PARP1: variants seen among roughly 807,000 people sequenced by gnomAD.
PARP1 encodes poly [ADP-ribose] polymerase 1.
In PARP1, 44 loss-of-function variants were observed where a neutral mutation model predicts 118.7. That is an observed-to-expected ratio of 0.37 (90% CI 0.29 to 0.48). PARP1 has a LOEUF of 0.48. Ranked by LOEUF, PARP1 falls within the 20% of genes least tolerant of loss-of-function variation. The pLI, the probability that PARP1 is intolerant of heterozygous loss-of-function variation, is 0.99. For synonymous variants in PARP1, 492 were observed against 483.2 expected, an observed-to-expected ratio of 1.02 and a Z score of -0.24; for missense variants, 1,100 against 1,272.4, an observed-to-expected ratio of 0.86 and a Z score of 2.06.
chr1:226,402,698 C>T (rs1385722166), intron 1 of PARP1, among the ~76,000 whole-genome samples: 1 of 152,254 alleles, frequency 6.6e-6, no homozygotes, highest in African/African-American at 2.4e-5. Flanking sequence ...TTTGACCACA[C>T]ACTGCTACAT....
intron 21 of PARP1, 101 bp from the exon 22 acceptor site, chr1:226,362,184 C>CTT (rs368063214): frequency 3.5e-4 from 210 of 603,012 alleles, no homozygotes; most frequent in Non-Finnish European, 4.1e-4. Flanking sequence ...TGTGGTCTTT[C>CTT]TTTTTTTTTT....
chr1:226,386,425 G>A lies in PARP1; in HGVS notation c.735C>T (p.Ile245=). The change falls in exon 6 of 23, where the codon ATC becomes ATT. Residue 245 remains isoleucine, a synonymous_variant. Transcript: ENST00000366794. ...TCTTTAGCTCGTCCTTGATGTTCCA[G>A]ATCAGGTCGTTCTGAGCCTATGGAC... ...EKALKAQNDL[I]WNIKDELKKV... 6.2e-7 allele frequency: 1 copy of A among 1,612,832 alleles called. No individual in the cohort carries two copies. The highest frequency in any genetic ancestry group is 8.5e-7 in the Non-Finnish European group (1 of 1,178,802).
chr1:226,407,570 A>G (rs778453116), intron 1 of PARP1, among the ~76,000 whole-genome samples: 2 of 152,100 alleles, frequency 1.3e-5, no homozygotes, highest in Non-Finnish European at 2.9e-5. Flanking sequence ...TCACAAAGCG[A>G]AAGGCAACAC....
chr1:226,376,815 G>A (rs1664496497), intron 13 of PARP1, among the ~76,000 whole-genome samples: 1 of 152,160 alleles, frequency 6.6e-6, no homozygotes, highest in African/African-American at 2.4e-5. Context: ...GGTTTGTTAG[G>A]ATTTTGTATC....
intron 1 of PARP1, among the ~76,000 whole-genome samples, chr1:226,407,377 A>AC (rs1283800169): frequency 3.6e-5 from 5 of 140,366 alleles, no homozygotes; most frequent in African/African-American, 1.3e-4. Flanking sequence ...GGTTTAACAA[A>AC]AAAAAAAAAA....
chr1:226,395,780 C>T (rs1160204737), intron 2 of PARP1, among the ~76,000 whole-genome samples: 2 of 152,160 alleles, frequency 1.3e-5, no homozygotes, highest in African/African-American at 4.8e-5. Context: ...CATGCTGCAA[C>T]ACGGACGAAC....
Position 226,367,617 on chromosome 1 carries a change from G to C in PARP1, c.2278-9C>G. 6.2e-7 allele frequency: 1 copy of C among 1,613,956 alleles called. No individual in the cohort carries two copies. Among genetic ancestry groups the C allele is most frequent in the Middle Eastern group, 1.6e-4 (1 of 6,062 alleles). Reference sequence around the variant, plus strand: ...AGCATTTCCACCTTGGCCTGGAGGAGCAAAAGAAAGCCCCCGACTTAGGTA... The same window carrying C: ...AGCATTTCCACCTTGGCCTGGAGGACCAAAAGAAAGCCCCCGACTTAGGTA... On this transcript the variant is annotated splice_polypyrimidine_tract_variant and intron_variant, in intron 16 of 22. Transcript: ENST00000366794.
At chr1:226,392,096 C>G in intron 3 of PARP1, 103 bp downstream of exon 3, 1 of 809,994 alleles carries the variant, frequency 1.2e-6, no homozygotes, top group South Asian at 1.3e-5. Context: ...TTACGTTGAG[C>G]TAGCACCCTA....
intron 1 of PARP1, among the ~76,000 whole-genome samples, chr1:226,406,983 A>G (rs1665161742): frequency 6.6e-6 from 1 of 152,200 alleles, no homozygotes; most frequent in Admixed American, 6.5e-5. Context: ...AACAGGGCAG[A>G]TGAGAACCAG....
rs1218420928 is a variant in PARP1, at chr1:226,368,214, A to T, written c.2262T>A (p.Asn754Lys). ...CTTGCGCTACCTGCACACTGTCTGC[A>T]TTGTTCAGGAGCGGAGGCTTCTTCA... is the stretch of plus-strand genomic sequence containing the variant. Reference protein sequence around the residue: ...FGMKKPPLLNNADSVQAKVEM... With the variant: ...FGMKKPPLLNKADSVQAKVEM... The change falls in exon 16 of 23, where the codon AAT becomes AAA. Residue 754 changes from asparagine (N) to lysine (K), a missense_variant. Asn to Lys is a moderately conservative substitution (Grantham distance 94). Coordinates refer to ENST00000366794, the MANE Select transcript of PARP1 (RefSeq NM_001618.4). 6.2e-7 allele frequency: 1 copy of T among 1,614,190 alleles called. No individual in the cohort carries two copies. The highest frequency in any genetic ancestry group is 8.5e-7 in the Non-Finnish European group (1 of 1,180,016).
chr1:226,406,011 G>T (rs1665139237), intron 1 of PARP1, among the ~76,000 whole-genome samples: 1 of 152,070 alleles, frequency 6.6e-6, no homozygotes, highest in African/African-American at 2.4e-5. Context: ...CAAAACATTT[G>T]AAAGGTAATT....
At position 226,388,897 on chromosome 1, in the gene PARP1, C is replaced by A. The variant is rs1664770927; in HGVS notation, c.618-142G>T. ...ACACTTGTCACTCCCTAACCCCTGC[C>A]CCACTCAGTGCCCTTAGGCGATCAC... On this transcript the variant is annotated intron_variant, in intron 4 of 22. Coordinates refer to ENST00000366794, the MANE Select transcript of PARP1 (RefSeq NM_001618.4). 5.8e-5 allele frequency: 43 copies of A among 739,488 alleles called. 2 individuals are homozygous for A. Among genetic ancestry groups the A allele is most frequent in the South Asian group, 5.3e-4 (37 of 69,496 alleles). The allele number at this position is 739,488 out of a possible 1,614,324, so 45.8% of individuals were successfully genotyped here. A position where few individuals can be genotyped will look rare whatever the true frequency, so the allele number is the denominator to read the frequency against.
At chr1:226,399,097 T>C (rs948455571) in intron 2 of PARP1, among the ~76,000 whole-genome samples, 7 of 133,886 alleles carry the variant, frequency 5.2e-5, no homozygotes, top group Non-Finnish European at 9.4e-5. Context: ...TTTTTTGAGA[T>C]GGAGTTTCGC....
chr1:226,380,948 G>C (rs527683287), intron 9 of PARP1, 120 bp downstream of exon 9: 1 of 1,107,182 alleles, frequency 9.0e-7, no homozygotes, highest in Non-Finnish European at 1.4e-6. Context: ...GAACCACAGC[G>C]ATGATGATGT....
chr1:226,392,882 TATAAAA>T (rs746564633), intron 2 of PARP1: 10 of 1,546,400 alleles, frequency 6.5e-6, no homozygotes, highest in Non-Finnish European at 6.1e-6. Context: ...CTTCTCTTAT[TATAAAA>T]ATAAATTCCC....
chr1:226,393,712 C>T (rs776542611), intron 2 of PARP1, among the ~76,000 whole-genome samples: 106 of 152,248 alleles, frequency 7.0e-4, no homozygotes, highest in Non-Finnish European at 1.2e-3. Context: ...GGAAAAAAGA[C>T]TAGAAAAACT....
At chr1:226,404,887 C>T (rs1665112619) in intron 1 of PARP1, among the ~76,000 whole-genome samples, 1 of 152,148 alleles carries the variant, frequency 6.6e-6, no homozygotes, top group South Asian at 2.1e-4. Context: ...TCCACCTAGG[C>T]CACAGAGAGA....
At chr1:226,362,152 G>T in intron 21 of PARP1, 69 bp from the exon 22 acceptor site, 1 of 865,820 alleles carries the variant, frequency 1.2e-6, no homozygotes, top group South Asian at 1.3e-5. Flanking sequence ...AGGGAGATGA[G>T]CTCTATTTGA....
At chr1:226,388,120 A>T (rs1664750266) in intron 5 of PARP1, among the ~76,000 whole-genome samples, 1 of 152,262 alleles carries the variant, frequency 6.6e-6, no homozygotes, top group Non-Finnish European at 1.5e-5. Context: ...TAATCAACAC[A>T]GGGATGAATC....
Sources: allele counts gnomAD v4.1 joint callset (sites outside exome capture counted in the v4.1 genomes callset), GRCh38; gene constraint gnomAD v4.1.1; transcripts MANE v1.5; gene names NCBI Gene and HGNC (gene_info 2026-07-23, HGNC 2026-07-21).